Variants in DCLK1 observed in about 807,000 individuals in gnomAD.
The protein encoded by DCLK1 is doublecortin like kinase 1, also known as serine/threonine-protein kinase DCLK1.
In DCLK1, 16 loss-of-function variants were observed where a neutral mutation model predicts 86.2. That is an observed-to-expected ratio of 0.19 (90% CI 0.13 to 0.28). The LOEUF (loss-of-function observed/expected upper bound fraction) is 0.28. Ranked by LOEUF, DCLK1 falls within the 10% of genes least tolerant of loss-of-function variation. The probability of loss-of-function intolerance (pLI) is 1.00; values close to 1 mark genes in which losing one functional copy is unlikely to be tolerated. For synonymous variants in DCLK1, 369 were observed against 370.5 expected (o/e 1.00, Z 0.05); for missense variants, 590 against 940.2 (o/e 0.63, Z 4.87).
chr13:36,001,528 A>C (rs1208562359), intron 3 of DCLK1, among the ~76,000 whole-genome samples: 4 of 152,000 alleles, frequency 2.6e-5, no homozygotes, highest in Admixed American at 1.3e-4. Flanking sequence ...CTGACCTTCC[A>C]AGGATGCTAG....
chr13:36,045,383 G>A (rs1180483250), intron 3 of DCLK1, among the ~76,000 whole-genome samples: 1 of 79,968 alleles, frequency 1.3e-5, no homozygotes. Flanking sequence ...TATATTTCAA[G>A]GTAAATTGCT....
chr13:35,899,115 C>T (rs2153121669), intron 4 of DCLK1, among the ~76,000 whole-genome samples: 1 of 152,272 alleles, frequency 6.6e-6, no homozygotes, highest in East Asian at 1.9e-4. Flanking sequence ...ATGACTGACA[C>T]TGAGGGATAC....
intron 3 of DCLK1, among the ~76,000 whole-genome samples, chr13:36,108,686 A>G (rs571285459): frequency 6.6e-6 from 1 of 152,358 alleles, no homozygotes; most frequent in East Asian, 1.9e-4. Context: ...CAAAGCACTC[A>G]AGCAATTCAT....
At chr13:35,904,495 T>C (rs7996063) in intron 4 of DCLK1, among the ~76,000 whole-genome samples, 2,930 of 152,318 alleles carry the variant, frequency 0.019, 92 homozygotes, top group African/African-American at 0.061. Context: ...CCTGGCCTAA[T>C]AGAAAAATCT....
At chr13:36,030,328 C>G (rs952525058) in intron 3 of DCLK1, among the ~76,000 whole-genome samples, 1 of 152,004 alleles carries the variant, frequency 6.6e-6, no homozygotes, top group Non-Finnish European at 1.5e-5. Context: ...CGGAGTTTTG[C>G]TCTTGTTGCC....
intron 6 of DCLK1, among the ~76,000 whole-genome samples, chr13:35,842,228 CAAAAAA>C (rs35862851): frequency 2.8e-4 from 10 of 35,116 alleles, no homozygotes; most frequent in Admixed American, 5.0e-4. Flanking sequence ...GACTCCATCT[CAAAAAA>C]AAAAAAAAAA....
chr13:35,917,855 C>G (rs968633199), intron 4 of DCLK1, among the ~76,000 whole-genome samples: 11 of 152,090 alleles, frequency 7.2e-5, no homozygotes, highest in African/African-American at 1.9e-4. Flanking sequence ...CGTTCTCTAG[C>G]TGGGCTGGAG....
chr13:35,894,214 G>A (rs757824757), intron 4 of DCLK1, among the ~76,000 whole-genome samples: 2 of 152,108 alleles, frequency 1.3e-5, no homozygotes, highest in Admixed American at 6.5e-5. Context: ...GATACTCAAC[G>A]TGTACTTCCC....
intron 3 of DCLK1, among the ~76,000 whole-genome samples, chr13:35,967,217 C>T (rs1479485925): frequency 6.6e-6 from 1 of 151,032 alleles, no homozygotes; most frequent in Non-Finnish European, 1.5e-5. Flanking sequence ...CTGAGGAGCC[C>T]CTCTGCCCGG....
At chr13:36,072,470 A>G (rs1476963720) in intron 3 of DCLK1, among the ~76,000 whole-genome samples, 1 of 152,166 alleles carries the variant, frequency 6.6e-6, no homozygotes, top group Non-Finnish European at 1.5e-5. Flanking sequence ...TGCTTTAAAT[A>G]TTATCTATAT....
intron 3 of DCLK1, among the ~76,000 whole-genome samples, chr13:35,984,330 C>T (rs1879799869): frequency 6.6e-6 from 1 of 152,168 alleles, no homozygotes; most frequent in Non-Finnish European, 1.5e-5. Context: ...TTGACGAGGC[C>T]TCATTTGCCT....
At chr13:36,007,263 A>G (rs934092457) in intron 3 of DCLK1, among the ~76,000 whole-genome samples, 5 of 152,212 alleles carry the variant, frequency 3.3e-5, no homozygotes, top group African/African-American at 1.2e-4. Context: ...ATGAATACCA[A>G]TAGTGCCTTC....
chr13:35,892,567 G>C (rs1381508741), intron 4 of DCLK1, among the ~76,000 whole-genome samples: 1 of 152,206 alleles, frequency 6.6e-6, no homozygotes, highest in African/African-American at 2.4e-5. Flanking sequence ...TTAGATGTTA[G>C]TTTCCAGTAG....
rs890427997 is a variant in DCLK1, at chr13:36,054,911, C to T, written c.723+56958G>A. 8.5e-5 allele frequency among the ~76,000 whole-genome samples: 13 copies of T among 152,222 alleles called. No homozygotes were observed. In the East Asian group the frequency reaches 1.4e-3, roughly 16 times the overall value. ...ATTTGCCACTACATAAAAAGTAGTGCGGTGGGGATATGAACCATGGCATCA... is the reference window on the plus strand; with the variant it reads ...ATTTGCCACTACATAAAAAGTAGTGTGGTGGGGATATGAACCATGGCATCA... On this transcript the variant is annotated intron_variant, in intron 3 of 16. Coordinates refer to ENST00000360631, the MANE Select transcript of DCLK1 (RefSeq NM_001330071.2).
At chr13:35,809,197 C>T in intron 12 of DCLK1, 102 bp from the exon 13 acceptor site, 1 of 839,726 alleles carries the variant, frequency 1.2e-6, no homozygotes, top group Non-Finnish European at 1.8e-6. Flanking sequence ...AAAATAAAAC[C>T]AAACAAAATA....
Position 36,125,753 on chromosome 13 carries a change from A to G in DCLK1, c.376+9T>C. The G allele has an allele frequency of 6.2e-7, 1 of 1,608,286 alleles. No homozygotes were observed. ...TAGGGTCACGTGGGGGTTATCTCAC[A>G]GCGCTCACCTTCCACCAGTTGGTCC... On this transcript the variant is annotated intron_variant, in intron 2 of 16. Coordinates refer to ENST00000360631, the MANE Select transcript of DCLK1 (RefSeq NM_001330071.2).
At chr13:36,012,595 C>T (rs1328295976) in intron 3 of DCLK1, among the ~76,000 whole-genome samples, 1 of 143,820 alleles carries the variant, frequency 7.0e-6, no homozygotes, top group Admixed American at 7.0e-5. Context: ...GCCGAGAGAT[C>T]CGCTGTTAGT....
intron 10 of DCLK1, among the ~76,000 whole-genome samples, chr13:35,826,564 A>G (rs116168938): frequency 0.078 from 3,563 of 45,606 alleles, 1,048 homozygotes; most frequent in East Asian, 0.15. Flanking sequence ...AGAAAGAAAC[A>G]AGTCCTAATT....
chr13:35,840,126 G>A (rs1869688256), intron 6 of DCLK1, among the ~76,000 whole-genome samples: 1 of 152,162 alleles, frequency 6.6e-6, no homozygotes, highest in Admixed American at 6.5e-5. Flanking sequence ...GCAGAGAGAA[G>A]GGAAAGAGCA....
Sources: allele counts gnomAD v4.1 joint callset (sites outside exome capture counted in the v4.1 genomes callset), GRCh38; gene constraint gnomAD v4.1.1; transcripts MANE v1.5; gene names NCBI Gene and HGNC (gene_info 2026-07-23, HGNC 2026-07-21).